Variants in CHAF1A observed in about 807,000 individuals in gnomAD.
CHAF1A encodes chromatin assembly factor 1 subunit A.
CHAF1A carries 5 observed loss-of-function variants against 93.2 expected under a neutral mutation model. The ratio of observed to expected loss-of-function variants is 0.05; its 90% CI spans 0.03 to 0.11. CHAF1A has a LOEUF of 0.11. Among genes scored for constraint, CHAF1A ranks in the 10% least tolerant of loss-of-function variants. The pLI is 1.00. For missense variants in CHAF1A, 1,102 were observed against 1,259.9 expected, an observed-to-expected ratio of 0.87 and a Z score of 1.90; for synonymous variants, 504 against 510.3, an observed-to-expected ratio of 0.99 and a Z score of 0.17.
chr19:4,418,658 G>A (rs1195618672), intron 4 of CHAF1A, among the ~76,000 whole-genome samples: 5 of 151,910 alleles, frequency 3.3e-5, no homozygotes, highest in African/African-American at 4.8e-5. Context: ...CTCGTGATCC[G>A]CCCGCCTCGG....
At position 4,433,523 on chromosome 19, in the gene CHAF1A, G is replaced by A. The variant is rs778336745; in HGVS notation, c.2657G>A (p.Arg886His). 1.1e-5 allele frequency: 17 copies of A among 1,579,420 alleles called. No individual in the cohort carries two copies. The highest frequency in any genetic ancestry group is 3.4e-5 in the Admixed American group (2 of 58,854). ...TGCATCACCCAATTCATGAAGAAGC[G>A]CAGGCACGACGGCCAGGTGAGGTGG... ...SMCITQFMKK[R>H]RHDGQIGAED... The change falls in exon 13 of 15, where the codon CGC becomes CAC. Residue 886 changes from arginine to histidine, a missense_variant. By Grantham distance (29) the Arg-to-His change is conservative. Coordinates refer to ENST00000301280, the MANE Select transcript of CHAF1A (RefSeq NM_005483.3). This position sits in a 1 kb window ranked among gnomAD's most constrained non-coding sequence, Gnocchi z 5.6.
chr19:4,445,341 G>T (rs1475069567), downstream of CHAF1A: 1 of 1,291,050 alleles, frequency 7.7e-7, no homozygotes, highest in Admixed American at 2.2e-5. Flanking sequence ...TCTGCCACGG[G>T]GCCCAATTCC....
Position 4,409,477 on chromosome 19 carries a change from TG to T in CHAF1A, c.679del (p.Glu227LysfsTer22). 6.2e-7 allele frequency: 1 copy of T among 1,613,492 alleles called. No homozygotes were observed. On this transcript the variant is annotated frameshift_variant, in exon 3 of 15. Transcript: ENST00000301280. LOFTEE classifies it high-confidence loss of function. ...CPRKEQDSWS[E>X]AGGILFKGKV... ...CCAGAAAGGAGCAGGACAGTTGGAG[TG>T]AAGCTGGGGGCATCCTGTTCAAAGG...
chr19:4,447,085 C>G (rs1974548786), downstream of CHAF1A: 1 of 650,978 alleles, frequency 1.5e-6, no homozygotes, highest in African/African-American at 1.8e-5. Flanking sequence ...ACCTGCTTTT[C>G]TACGGTGGGG....
downstream of CHAF1A, chr19:4,445,153 G>A (rs1028386212): frequency 1.1e-5 from 3 of 273,142 alleles, no homozygotes; most frequent in South Asian, 4.3e-5. Flanking sequence ...CACGGCACAC[G>A]GGAACAGGAC....
downstream of CHAF1A, chr19:4,447,681 T>G (rs373953023): frequency 4.3e-4 from 679 of 1,569,620 alleles, no homozygotes; most frequent in Admixed American, 1.2e-3. Flanking sequence ...ACCCGGCCCC[T>G]CTGTGCCTCC....
chr19:4,446,309 C>T (rs569734108), downstream of CHAF1A: 184 of 1,572,076 alleles, frequency 1.2e-4, 2 homozygotes, highest in South Asian at 1.8e-3. Context: ...ATCGGGGAGG[C>T]GCACGCGCAG....
At chr19:4,405,608 C>CAA (rs35526816) in intron 1 of CHAF1A, among the ~76,000 whole-genome samples, 6 of 91,946 alleles carry the variant, frequency 6.5e-5, no homozygotes, top group South Asian at 3.3e-4. Flanking sequence ...ACTCTGTCTC[C>CAA]AAAAAAAAAA....
intron 8 of CHAF1A, 64 bp downstream of exon 8, chr19:4,428,954 T>C: frequency 2.1e-6 from 3 of 1,405,636 alleles, no homozygotes; most frequent in Non-Finnish European, 3.0e-6. Context: ...TCCTGAACCC[T>C]GGGGTCCCCG....
chr19:4,419,947 G>T (rs1480385242), intron 4 of CHAF1A, among the ~76,000 whole-genome samples: 1 of 152,096 alleles, frequency 6.6e-6, no homozygotes, highest in Non-Finnish European at 1.5e-5. Context: ...TAGTCTCCTT[G>T]TTCAGTCCAG....
At chr19:4,421,064 C>CTCCA (rs888175218) in intron 4 of CHAF1A, among the ~76,000 whole-genome samples, 1 of 152,102 alleles carries the variant, frequency 6.6e-6, no homozygotes, top group Non-Finnish European at 1.5e-5. Flanking sequence ...GAGACTCTAT[C>CTCCA]TCCAAATAAA....
chr19:4,442,954 G>C lies in CHAF1A; in HGVS notation c.2800G>C (p.Gly934Arg). 6.2e-7 allele frequency: 1 copy of C among 1,603,314 alleles called. No individual in the cohort carries two copies. The highest frequency in any genetic ancestry group is 8.5e-7 in the Non-Finnish European group (1 of 1,175,754). Residue 934 changes from glycine (G) to arginine (R), a missense_variant, in exon 15 of 15, where the codon GGA becomes CGA. By Grantham distance (125) the Gly-to-Arg change is moderately radical (BLOSUM62 -2). Around this residue, in one of 6 missense-constraint regions of CHAF1A, gnomAD observed 119 missense variants for 102.2 expected, o/e 1.16. Coordinates refer to ENST00000301280, the MANE Select transcript of CHAF1A (RefSeq NM_005483.3). ...CCAAGCCCCGTGTGGAGCCGCTTCC[G>C]GAGCTGGGGGTGGTGTGGGGGTGGA... is the stretch of plus-strand genomic sequence containing the variant. ...EVQAPCGAAS[G>R]AGGGVGVDTG...
At chr19:4,448,755 G>T (rs939746324), downstream of CHAF1A, 1 of 290,184 alleles carries the variant, frequency 3.4e-6, no homozygotes, top group Non-Finnish European at 6.7e-6. Flanking sequence ...ATCCATCAAG[G>T]CCACCGCCAC....
chr19:4,446,106 G>A (rs915199124), downstream of CHAF1A: 1 of 1,612,638 alleles, frequency 6.2e-7, no homozygotes, highest in African/African-American at 1.3e-5. Context: ...GCCCTCCCGA[G>A]GCCAGCAGCT....
At chr19:4,449,675 T>C (rs1327750656), downstream of CHAF1A, 1 of 152,172 alleles carries the variant, frequency 6.6e-6, no homozygotes, top group East Asian at 1.9e-4. Flanking sequence ...GCTGGGTACA[T>C]GCACAGACAA....
chr19:4,430,801 C>T (rs1378051997), intron 11 of CHAF1A, 160 bp downstream of exon 11: 65 of 696,094 alleles, frequency 9.3e-5, no homozygotes, highest in Non-Finnish European at 4.1e-5. Flanking sequence ...ACAGCTGGGC[C>T]TGAACTTGGT....
At position 4,433,802 on chromosome 19, in the gene CHAF1A, A is replaced by G. The variant is rs1310752436; in HGVS notation, c.2673+263A>G. Among the ~76,000 whole-genome samples the G allele has an allele frequency of 1.3e-5, 2 of 151,858 alleles. No homozygotes were observed. The highest frequency in any genetic ancestry group is 2.0e-4 in the East Asian group (1 of 5,102). On this transcript the variant is annotated intron_variant, in intron 13 of 14. Coordinates refer to ENST00000301280, the MANE Select transcript of CHAF1A (RefSeq NM_005483.3). The surrounding 1 kb of genome is among the most constrained non-coding windows in gnomAD (Gnocchi z 5.6). ...TTTTTAGTAGAGACGGGGTTTCACC[A>G]TGTTGGTCAGGCTGGTCTCGAACTC...
chr19:4,446,137 T>A (rs1568187893), downstream of CHAF1A: 1 of 1,612,238 alleles, frequency 6.2e-7, no homozygotes, highest in African/African-American at 1.3e-5. Flanking sequence ...CCAGTCGCTC[T>A]GCAGGGCCTC....
At chr19:4,446,463 G>C (rs761189258), downstream of CHAF1A, 2 of 1,585,584 alleles carry the variant, frequency 1.3e-6, no homozygotes, top group Non-Finnish European at 1.7e-6. Context: ...CTTCCACCCC[G>C]CCCCGCCCCA....
Sources: gnomAD v4.1 joint callset for allele counts (sites outside exome capture counted in the v4.1 genomes callset) on GRCh38, gnomAD v4.1.1 for gene constraint, gnomAD v4.1.1 regional missense constraint, Gnocchi (gnomAD v3.1) non-coding constraint, MANE v1.5 for transcripts, NCBI Gene and HGNC (gene_info 2026-07-23, HGNC 2026-07-21) for gene names.